Variants in CHST11 observed in about 807,000 individuals in gnomAD.
The protein encoded by CHST11 is C4S-1.
A neutral mutation model predicts 30.4 loss-of-function variants in CHST11; 9 were observed. The ratio of observed to expected loss-of-function variants is 0.30; its 90% CI spans 0.18 to 0.52. The LOEUF (loss-of-function observed/expected upper bound fraction) is 0.52. CHST11 is among the 20% of genes least tolerant of loss of function. The pLI, the probability that CHST11 is intolerant of heterozygous loss-of-function variation, is 0.97. For synonymous variants in CHST11, 152 were observed against 187.8 expected (o/e 0.81, Z 1.56); for missense variants, 348 against 460.6 (o/e 0.76, Z 2.24).
At chr12:104,482,090 A>T (rs1198989179) in intron 1 of CHST11, among the ~76,000 whole-genome samples, 1 of 151,580 alleles carries the variant, frequency 6.6e-6, no homozygotes, top group African/African-American at 2.4e-5. Flanking sequence ...ACCTCAAGCG[A>T]TCCACCCACC....
chr12:104,632,021 C>T (rs2039275544), intron 2 of CHST11, among the ~76,000 whole-genome samples: 1 of 152,164 alleles, frequency 6.6e-6, no homozygotes, highest in African/African-American at 2.4e-5. Flanking sequence ...CAACACCAAC[C>T]CTTCCCTCGA....
At chr12:104,536,546 T>C (rs1371601467) in intron 1 of CHST11, among the ~76,000 whole-genome samples, 1 of 152,242 alleles carries the variant, frequency 6.6e-6, no homozygotes, top group Non-Finnish European at 1.5e-5. Flanking sequence ...CATGGTAGCA[T>C]GTCTCATTCT....
intron 1 of CHST11, among the ~76,000 whole-genome samples, chr12:104,495,614 A>C (rs1209132549): frequency 6.6e-6 from 1 of 152,232 alleles, no homozygotes; most frequent in Non-Finnish European, 1.5e-5. Flanking sequence ...GTACTAATAA[A>C]AATTGATAAC....
chr12:104,752,750 C>T lies in CHST11; in HGVS notation c.205-4199C>T, dbSNP rs985771063. ...CGCCATGTTGGCCAGGGTGGTCTCA[C>T]ACTCCTGACCTCAAGTAATTAGCCC... On this transcript the variant is annotated intron_variant, in intron 2 of 2. Coordinates refer to ENST00000303694, the MANE Select transcript of CHST11 (RefSeq NM_018413.6). Among the ~76,000 whole-genome samples, 8 of 152,184 alleles carry T rather than the reference C, an allele frequency of 5.3e-5. No individual in the cohort carries two copies. The South Asian group carries it at 1.7e-3, about 32-fold the overall frequency.
intron 2 of CHST11, among the ~76,000 whole-genome samples, chr12:104,656,862 A>G (rs1592820772): frequency 6.6e-6 from 1 of 152,172 alleles, no homozygotes; most frequent in Admixed American, 6.5e-5. Flanking sequence ...GACCCCATCT[A>G]GGTGTTAAGG....
chr12:104,596,216 AC>A lies in CHST11; in HGVS notation c.119-5689del, dbSNP rs374901421. Among the ~76,000 whole-genome samples the A allele has an allele frequency of 6.4e-4, 98 of 152,332 alleles. 1 individual carries two copies. Among genetic ancestry groups the A allele is most frequent in the African/African-American group, 2.3e-3 (95 of 41,566 alleles). ...TGTCTTGACAGATGGGCTGGGCCAC[AC>A]TGCTAGGGTTCCAGCATGAATTTGT... On this transcript the variant is annotated intron_variant, in intron 1 of 2. Transcript: ENST00000303694.
intron 2 of CHST11, among the ~76,000 whole-genome samples, chr12:104,714,351 G>A (rs1051247090): frequency 3.9e-4 from 60 of 152,208 alleles, no homozygotes; most frequent in African/African-American, 1.4e-3. Context: ...GTGAAGTGGA[G>A]TGCAAAGCCT....
rs576779249 is a variant in CHST11 at position 104,566,372 on chromosome 12, G to A, written c.119-35534G>A. Reference sequence around the variant, plus strand: ...CTAAATTGCATCTAGCGGTTGGGGTGGGGGGGCGGTCTGCCTACAAAATGA... The same window carrying A: ...CTAAATTGCATCTAGCGGTTGGGGTAGGGGGGCGGTCTGCCTACAAAATGA... On this transcript the variant is annotated intron_variant, in intron 1 of 2. Transcript: ENST00000303694. Among the ~76,000 whole-genome samples the A allele has an allele frequency of 1.0e-3, 157 of 152,024 alleles. 1 individual carries two copies. Among genetic ancestry groups the A allele is most frequent in the African/African-American group, 3.4e-3 (139 of 41,452 alleles).
intron 2 of CHST11, among the ~76,000 whole-genome samples, chr12:104,691,773 C>T (rs1377742017): frequency 6.6e-6 from 1 of 152,174 alleles, no homozygotes; most frequent in East Asian, 1.9e-4. Context: ...TGGGCGTGAG[C>T]CACCGCCCCC....
chr12:104,482,110 C>T (rs1330320828), intron 1 of CHST11, among the ~76,000 whole-genome samples: 4 of 152,084 alleles, frequency 2.6e-5, no homozygotes, highest in Non-Finnish European at 5.9e-5. Context: ...CTCAGCCTCC[C>T]CAGGATTGTT....
intron 1 of CHST11, among the ~76,000 whole-genome samples, chr12:104,492,660 G>A (rs916534553): frequency 3.9e-5 from 6 of 152,230 alleles, no homozygotes; most frequent in Non-Finnish European, 5.9e-5. Flanking sequence ...ATTGATCTGT[G>A]TGTCTGGAAC....
At chr12:104,466,227 G>T (rs1001212650) in intron 1 of CHST11, among the ~76,000 whole-genome samples, 1 of 152,108 alleles carries the variant, frequency 6.6e-6, no homozygotes, top group Non-Finnish European at 1.5e-5. Context: ...AGGCATAAGG[G>T]GGCTGGAGGA....
chr12:104,670,725 A>C (rs2039687438), intron 2 of CHST11, among the ~76,000 whole-genome samples: 1 of 147,928 alleles, frequency 6.8e-6, no homozygotes, highest in South Asian at 2.1e-4. Flanking sequence ...CACACCACAT[A>C]TACACACACA....
chr12:104,714,665 T>G (rs1051197373), intron 2 of CHST11, among the ~76,000 whole-genome samples: 1 of 152,096 alleles, frequency 6.6e-6, no homozygotes. Context: ...TGGGAGGCCT[T>G]TCTTCACAGT....
At chr12:104,632,432 C>G (rs1372984501) in intron 2 of CHST11, among the ~76,000 whole-genome samples, 1 of 152,150 alleles carries the variant, frequency 6.6e-6, no homozygotes, top group Non-Finnish European at 1.5e-5. Flanking sequence ...AAGTGCCGAG[C>G]TAACGGGGAT....
intron 2 of CHST11, among the ~76,000 whole-genome samples, chr12:104,714,552 T>A (rs1199566692): frequency 1.4e-5 from 1 of 71,872 alleles, no homozygotes; most frequent in East Asian, 3.0e-4. Context: ...GTGGAGGTGG[T>A]GATGATGATG....
intron 2 of CHST11, among the ~76,000 whole-genome samples, chr12:104,621,168 G>A (rs1489839991): frequency 6.6e-6 from 1 of 152,220 alleles, no homozygotes; most frequent in Non-Finnish European, 1.5e-5. Context: ...ATCTTGGGGA[G>A]TCTCACAGAC....
intron 2 of CHST11, among the ~76,000 whole-genome samples, chr12:104,605,054 A>C (rs543700143): frequency 1.1e-4 from 17 of 151,718 alleles, no homozygotes; most frequent in African/African-American, 4.1e-4. Context: ...AATTCAACCC[A>C]AAAACAAACT....
At chr12:104,616,141 T>C (rs2039105415) in intron 2 of CHST11, among the ~76,000 whole-genome samples, 1 of 152,200 alleles carries the variant, frequency 6.6e-6, no homozygotes, top group Admixed American at 6.5e-5. Flanking sequence ...TAAGATCACT[T>C]GGACAATGGA....
Sources: allele counts gnomAD v4.1 joint callset (sites outside exome capture counted in the v4.1 genomes callset), GRCh38; gene constraint gnomAD v4.1.1; transcripts MANE v1.5; gene names NCBI Gene and HGNC (gene_info 2026-07-23, HGNC 2026-07-21).